The following MTCL1 variants were observed in gnomAD, a reference collection of about 807,000 sequenced individuals.
The protein encoded by MTCL1 is microtubule crosslinking factor 1, also known as microtubule cross-linking factor 1.
A neutral mutation model predicts 141.4 loss-of-function variants in MTCL1; 79 were observed. The observed-to-expected ratio is 0.56, with a 90% CI of 0.47 to 0.67. MTCL1 has a LOEUF of 0.67. MTCL1 is among the 30% of genes least tolerant of loss of function. The probability of loss-of-function intolerance (pLI) is 0.00; values close to 1 mark genes in which losing one functional copy is unlikely to be tolerated. For missense variants in MTCL1, 2,177 were observed against 2,113.9 expected, an observed-to-expected ratio of 1.03 and a Z score of -0.59; for synonymous variants, 914 against 875.8, an observed-to-expected ratio of 1.04 and a Z score of -0.77.
intron 7 of MTCL1, 23 bp downstream of exon 6, chr18:8,786,114 C>CCCT: frequency 7.2e-7 from 1 of 1,387,386 alleles, no homozygotes; most frequent in Non-Finnish European, 9.4e-7. Flanking sequence ...AAGCAATCCC[C>CCCT]CCCCCCCGCC....
chr18:8,829,066 G>A, intron 16 of MTCL1: 2 of 1,594,070 alleles, frequency 1.3e-6, no homozygotes, highest in Middle Eastern at 2.0e-4. Context: ...TCTGCCCGGT[G>A]GCGGTACCCT....
At chr18:8,744,991 A>G (rs561538926) in intron 4 of MTCL1, among the ~76,000 whole-genome samples, 1 of 152,340 alleles carries the variant, frequency 6.6e-6, no homozygotes, top group Admixed American at 6.5e-5. Flanking sequence ...GGTCTCCACA[A>G]ATCCCATGAT....
chr18:8,784,700 C>T, exon 6 of MTCL1: 2 of 1,614,224 alleles, frequency 1.2e-6, no homozygotes, highest in Non-Finnish European at 1.7e-6. Context: ...GCAGGCCTTC[C>T]TGGAGCAGGT....
exon 6 of MTCL1, chr18:8,784,052 C>A (rs1264221075): frequency 6.2e-7 from 1 of 1,613,338 alleles, no homozygotes; most frequent in African/African-American, 1.3e-5. Flanking sequence ...GTTTGAGCCT[C>A]CCCGGGAGCC....
chr18:8,735,615 T>C (rs1459669668), intron 4 of MTCL1, among the ~76,000 whole-genome samples: 4 of 152,244 alleles, frequency 2.6e-5, no homozygotes, highest in Admixed American at 2.0e-4. Context: ...ACTCTGTGCA[T>C]TACTTCTGGA....
At chr18:8,764,656 AC>A (rs745313209) in intron 4 of MTCL1, among the ~76,000 whole-genome samples, 16 of 152,126 alleles carry the variant, frequency 1.1e-4, no homozygotes, top group Non-Finnish European at 1.6e-4. Flanking sequence ...GGAAATTGAG[AC>A]CACAGGCTGG....
exon 5 of MTCL1, chr18:8,777,850 A>C (rs774666900): frequency 1.3e-5 from 21 of 1,613,820 alleles, no homozygotes; most frequent in Non-Finnish European, 1.6e-5. Context: ...TAAAAAGAAG[A>C]AGCACTCGGG....
intron 10 of MTCL1, among the ~76,000 whole-genome samples, chr18:8,806,154 G>T (rs1436152740): frequency 6.6e-6 from 1 of 152,118 alleles, no homozygotes; most frequent in East Asian, 1.9e-4. Context: ...GAAAAGTGGG[G>T]GCTGATAGTT....
chr18:8,759,823 G>T (rs1471752330), intron 4 of MTCL1, among the ~76,000 whole-genome samples: 1 of 152,132 alleles, frequency 6.6e-6, no homozygotes, highest in Non-Finnish European at 1.5e-5. Context: ...GCTTGAAGCG[G>T]GATAGAGGTG....
rs138724389 is a variant in MTCL1, at chr18:8,774,254, A to ATGTGTGTGTGTGTGTGTG, written c.358-3575_358-3558dup. Among the ~76,000 whole-genome samples, 23 of 150,132 alleles carry ATGTGTGTGTGTGTGTGTG rather than the reference A, an allele frequency of 1.5e-4. 1 individual carries two copies. The South Asian group carries it at 1.7e-3, about 11-fold the overall frequency. On this transcript the variant is annotated intron_variant, in intron 4 of 16. Transcript: ENST00000359865. ...AAACACATACACACACTCTTTTCGAATGTGTGTGTGTGTGTGTGTGTATTT... is the reference window on the plus strand; with the variant it reads ...AAACACATACACACACTCTTTTCGAATGTGTGTGTGTGTGTGTGTGTGTGTGTGTGTGTGTGTGTATTT...
chr18:8,745,011 C>T (rs956410578), intron 4 of MTCL1, among the ~76,000 whole-genome samples: 1 of 152,226 alleles, frequency 6.6e-6, no homozygotes, highest in East Asian at 1.9e-4. Flanking sequence ...TCTGCAAAGA[C>T]ATTACAGCTG....
chr18:8,829,038 C>T, intron 16 of MTCL1: 1 of 1,611,432 alleles, frequency 6.2e-7, no homozygotes, highest in Non-Finnish European at 8.5e-7. Context: ...GCACCTGACG[C>T]TCATCACCTG....
chr18:8,712,365 G>A (rs1194481054), intron 1 of MTCL1, among the ~76,000 whole-genome samples: 5 of 152,178 alleles, frequency 3.3e-5, no homozygotes, highest in Non-Finnish European at 7.4e-5. Flanking sequence ...ATTGGAGTTA[G>A]CCTTTTGAGT....
chr18:8,793,006 C>A, exon 8 of MTCL1: 3 of 1,611,784 alleles, frequency 1.9e-6, no homozygotes, highest in Non-Finnish European at 2.5e-6. Context: ...AGCTCAGGGG[C>A]CCCCCCGTTT....
chr18:8,776,761 ATTTATTTAT>A (rs555443948), intron 4 of MTCL1, among the ~76,000 whole-genome samples: 1 of 133,772 alleles, frequency 7.5e-6, no homozygotes, highest in Admixed American at 7.2e-5. Context: ...TTATTTATTT[ATTTATTTAT>A]TTTGAGACAA....
intron 4 of MTCL1, among the ~76,000 whole-genome samples, chr18:8,774,545 C>T (rs1363726540): frequency 6.6e-6 from 1 of 151,844 alleles, no homozygotes; most frequent in Non-Finnish European, 1.5e-5. Context: ...TGGAGTGCAA[C>T]GGCGCCATCT....
intron 6 of MTCL1, among the ~76,000 whole-genome samples, 180 bp downstream of exon 5, chr18:8,785,023 T>TG (rs577919394): frequency 1.4e-5 from 2 of 138,892 alleles, no homozygotes; most frequent in African/African-American, 6.0e-5. Context: ...TTTTTTTTGT[T>TG]TTTTTTTTTT....
rs558404098 is a variant in MTCL1 at position 8,735,730 on chromosome 18, G to A, written c.357+15234G>A. ...TGAGTGAAGGCCCGCTGAGAGCCACGGGCTGAGTGTTTCCCGATGCTCAAA... is the reference window on the plus strand; with the variant it reads ...TGAGTGAAGGCCCGCTGAGAGCCACAGGCTGAGTGTTTCCCGATGCTCAAA... On this transcript the variant is annotated intron_variant, in intron 4 of 16. Transcript: ENST00000359865. Among the ~76,000 whole-genome samples, 414 of 152,164 alleles carry A rather than the reference G, an allele frequency of 2.7e-3. 4 individuals carry two copies. The highest frequency in any genetic ancestry group is 9.9e-3 in the African/African-American group (411 of 41,484).
chr18:8,731,542 C>T (rs566915602), intron 4 of MTCL1, among the ~76,000 whole-genome samples: 1 of 152,160 alleles, frequency 6.6e-6, no homozygotes, highest in Non-Finnish European at 1.5e-5. Flanking sequence ...TCATCGCACT[C>T]CAGCCTGGGG....
Sources: gnomAD v4.1 joint callset for allele counts (sites outside exome capture counted in the v4.1 genomes callset) on GRCh38, gnomAD v4.1.1 for gene constraint, MANE v1.5 for transcripts, NCBI Gene and HGNC (gene_info 2026-07-23, HGNC 2026-07-21) for gene names.